The following PCSK6 variants were observed in gnomAD, a reference collection of about 807,000 sequenced individuals.
PCSK6 encodes the protein proprotein convertase subtilisin/kexin type 6.
Under a neutral mutation model 123.3 loss-of-function variants are expected in PCSK6, and 85 were observed. The ratio of observed to expected loss-of-function variants is 0.69; its 90% CI spans 0.58 to 0.83. The LOEUF (loss-of-function observed/expected upper bound fraction) is 0.83, where lower values mean the gene tolerates loss of function less well. Among genes scored for constraint, PCSK6 ranks in the 40% least tolerant of loss-of-function variants. The pLI, the probability that PCSK6 is intolerant of heterozygous loss-of-function variation, is 0.00. For missense variants in PCSK6, 1,191 were observed against 1,282.3 expected (o/e 0.93, Z 1.09); for synonymous variants, 508 against 516.0 (o/e 0.98, Z 0.21).
intron 13 of PCSK6, chr15:101,334,479 T>C (rs928179316): frequency 1.3e-5 from 2 of 152,018 alleles, no homozygotes; most frequent in Non-Finnish European, 2.9e-5. Flanking sequence ...CACAGGAAGT[T>C]GTTCTCACCA....
intron 13 of PCSK6, among the ~76,000 whole-genome samples, chr15:101,350,426 A>G (rs1193660681): frequency 6.6e-6 from 1 of 152,230 alleles, no homozygotes; most frequent in Non-Finnish European, 1.5e-5. Context: ...TTAGACATAA[A>G]GGTGTCTGCC....
chr15:101,387,248 G>T (rs1443753689), intron 9 of PCSK6, among the ~76,000 whole-genome samples: 1 of 152,218 alleles, frequency 6.6e-6, no homozygotes, highest in Non-Finnish European at 1.5e-5. Flanking sequence ...GCCTCGAGTA[G>T]CCCATGGCCG....
At chr15:101,381,949 G>A (rs938984118) in intron 11 of PCSK6, 143 bp downstream of exon 11, 16 of 609,092 alleles carry the variant, frequency 2.6e-5, no homozygotes, top group African/African-American at 2.2e-4. Context: ...AAGAGAAAAC[G>A]CAGACGTGTG....
intron 6 of PCSK6, among the ~76,000 whole-genome samples, chr15:101,426,411 G>A (rs968596767): frequency 1.2e-4 from 19 of 152,236 alleles, no homozygotes; most frequent in Non-Finnish European, 2.2e-4. Context: ...AGATCCTGGA[G>A]AGACGTCTCA....
intron 11 of PCSK6, among the ~76,000 whole-genome samples, chr15:101,373,043 C>T (rs1369106947): frequency 2.0e-5 from 3 of 151,972 alleles, no homozygotes; most frequent in Admixed American, 1.3e-4. Context: ...TCTCACCTGC[C>T]CCGCCACTCT....
In PCSK6 at chr15:101,340,944, AAT is replaced by A. The variant is rs1491412885; in HGVS notation, c.1859-8915_1859-8914del. Among the ~76,000 whole-genome samples the A allele has an allele frequency of 1.3e-3, 189 of 149,682 alleles. 2 individuals are homozygous for A. The highest frequency in any genetic ancestry group is 4.5e-3 in the African/African-American group (178 of 39,880). ...TTAAGGCATTTATGTGCTTCTCCCA[AAT>A]TTTTTTTTTTTTTTTTTGAGACAGA... On this transcript the variant is annotated intron_variant, in intron 13 of 21. Coordinates refer to ENST00000611716, the MANE Select transcript of PCSK6 (RefSeq NM_002570.5).
At chr15:101,418,865 A>G (rs1235261956) in intron 6 of PCSK6, among the ~76,000 whole-genome samples, 1 of 152,242 alleles carries the variant, frequency 6.6e-6, no homozygotes, top group Non-Finnish European at 1.5e-5. Flanking sequence ...ATTAAACAAT[A>G]AAGTTGAAAA....
intron 1 of PCSK6, among the ~76,000 whole-genome samples, chr15:101,463,290 C>G (rs915653712): frequency 3.4e-4 from 51 of 152,148 alleles, no homozygotes; most frequent in African/African-American, 1.2e-3. Flanking sequence ...TCCTCTGCCC[C>G]CTTCTACAGG....
intron 13 of PCSK6, among the ~76,000 whole-genome samples, chr15:101,356,782 C>A (rs574491984): frequency 6.6e-6 from 1 of 152,092 alleles, no homozygotes; most frequent in Non-Finnish European, 1.5e-5. Flanking sequence ...TGCAAGACTG[C>A]AAAGCAGGAT....
At chr15:101,390,878 A>G (rs1001016744) in intron 8 of PCSK6, among the ~76,000 whole-genome samples, 1 of 152,176 alleles carries the variant, frequency 6.6e-6, no homozygotes, top group Non-Finnish European at 1.5e-5. Context: ...AGTTTGTGAT[A>G]ATTTGTTATG....
In PCSK6 at chr15:101,398,981, C is replaced by CA. The variant is rs367827845; in HGVS notation, c.824-406dup. On this transcript the variant is annotated intron_variant, in intron 6 of 21. Transcript: ENST00000611716. This position sits in a 1 kb window ranked among gnomAD's most constrained non-coding sequence, Gnocchi z 4.6. ...GCAGTGGTGCAATCTCGGCTCACTG[C>CA]AAGCTCCACCTCCCGGGTTCAAGTG... is the stretch of plus-strand genomic sequence containing the variant. Among the ~76,000 whole-genome samples the CA allele has an allele frequency of 6.9e-3, 1,055 of 152,282 alleles. 14 individuals carry two copies. Among genetic ancestry groups the CA allele is most frequent in the African/African-American group, 0.024 (1,008 of 41,532 alleles).
At chr15:101,359,445 C>A (rs576393632) in intron 13 of PCSK6, among the ~76,000 whole-genome samples, 12 of 152,390 alleles carry the variant, frequency 7.9e-5, no homozygotes, top group African/African-American at 2.9e-4. Context: ...CTGTAGCACA[C>A]AGAGCATCTG....
chr15:101,427,857 C>T lies in PCSK6; in HGVS notation c.823+35G>A, dbSNP rs759254449. 3.3e-6 allele frequency: 5 copies of T among 1,498,452 alleles called. No individual in the cohort carries two copies. The East Asian group carries it at 9.9e-5, about 30-fold the overall frequency. The allele number at this position is 1,498,452 out of a possible 1,614,324, so 92.8% of individuals were successfully genotyped here. A position where few individuals can be genotyped will look rare whatever the true frequency, so the allele number is the denominator to read the frequency against. ...AGCTCCCAGCTGCCCCTGCCCCAGG[C>T]CCCTCGGCTCGCAGGCTGCCACGCC... On this transcript the variant is annotated intron_variant, in intron 6 of 21. Transcript: ENST00000611716.
At chr15:101,331,581 T>C (rs1383448892) in intron 15 of PCSK6, 70 bp downstream of exon 15, 45 of 1,428,508 alleles carry the variant, frequency 3.2e-5, no homozygotes, top group Non-Finnish European at 4.3e-5. Context: ...CCCATTCTGG[T>C]TGGGCATATA....
At chr15:101,489,336 C>CG in intron 1 of PCSK6, 38 bp downstream of exon 1, 1 of 1,110,406 alleles carries the variant, frequency 9.0e-7, no homozygotes, top group South Asian at 3.0e-5. Context: ...CGGAGGCCGC[C>CG]GGGAAAGTTT....
intron 13 of PCSK6, among the ~76,000 whole-genome samples, chr15:101,338,349 C>T (rs993430163): frequency 6.6e-6 from 1 of 150,430 alleles, no homozygotes; most frequent in African/African-American, 2.5e-5. Flanking sequence ...CCTCTCATTG[C>T]GTCCACAGTG....
intron 12 of PCSK6, among the ~76,000 whole-genome samples, chr15:101,370,008 C>A (rs773816535): frequency 2.1e-4 from 32 of 152,238 alleles, no homozygotes; most frequent in Admixed American, 4.6e-4. Flanking sequence ...TAATGCACTT[C>A]TAAGCAAAGA....
intron 9 of PCSK6, 38 bp from the exon 10 acceptor site, chr15:101,384,463 C>T: frequency 6.4e-7 from 1 of 1,567,916 alleles, no homozygotes; most frequent in Non-Finnish European, 8.7e-7. Context: ...CCACACAGCT[C>T]AACAACGGCA....
intron 13 of PCSK6, among the ~76,000 whole-genome samples, chr15:101,353,980 T>A (rs1478374958): frequency 1.3e-5 from 2 of 152,244 alleles, no homozygotes; most frequent in Non-Finnish European, 1.5e-5. Flanking sequence ...TCTCGGGCAC[T>A]GTTTCGTTTA....
Sources: gnomAD v4.1 joint callset for allele counts (sites outside exome capture counted in the v4.1 genomes callset) on GRCh38, gnomAD v4.1.1 for gene constraint, Gnocchi (gnomAD v3.1) non-coding constraint, MANE v1.5 for transcripts, NCBI Gene and HGNC (gene_info 2026-07-23, HGNC 2026-07-21) for gene names.